The following RORA variants were observed in gnomAD, a reference collection of about 807,000 sequenced individuals.
RORA encodes nuclear receptor ROR-alpha.
In RORA, 7 loss-of-function variants were observed where a neutral mutation model predicts 69.5. The ratio of observed to expected loss-of-function variants is 0.10; its 90% CI spans 0.06 to 0.19. RORA has a LOEUF of 0.19. Among genes scored for constraint, RORA ranks in the 10% least tolerant of loss-of-function variants. The pLI, the probability that RORA is intolerant of heterozygous loss-of-function variation, is 1.00. For missense variants in RORA, 457 were observed against 663.0 expected (o/e 0.69, Z 3.41); for synonymous variants, 261 against 240.8 (o/e 1.08, Z -0.78).
intron 1 of RORA, among the ~76,000 whole-genome samples, chr15:61,094,658 GAT>G (rs1289650975): frequency 6.6e-6 from 1 of 152,234 alleles, no homozygotes; most frequent in East Asian, 1.9e-4. Flanking sequence ...TTCCAGCACA[GAT>G]AGGAAAGATC....
chr15:61,203,671 T>A (rs1360593053), intron 1 of RORA, among the ~76,000 whole-genome samples: 3 of 152,130 alleles, frequency 2.0e-5, no homozygotes, highest in Admixed American at 2.0e-4. Context: ...CATTCTAGAA[T>A]TAAAGGAAAA....
chr15:61,011,021 G>A (rs1040382978), intron 1 of RORA, among the ~76,000 whole-genome samples: 1 of 152,146 alleles, frequency 6.6e-6, no homozygotes, highest in African/African-American at 2.4e-5. Flanking sequence ...ATTACTTCAT[G>A]ATATAAAAAG....
intron 1 of RORA, among the ~76,000 whole-genome samples, chr15:61,114,426 T>C (rs1282844256): frequency 6.6e-6 from 1 of 152,220 alleles, no homozygotes. Flanking sequence ...CCTATGTTAA[T>C]ATGATCTTTA....
intron 1 of RORA, among the ~76,000 whole-genome samples, chr15:61,139,846 T>A (rs1361755943): frequency 6.6e-6 from 1 of 152,208 alleles, no homozygotes; most frequent in African/African-American, 2.4e-5. Flanking sequence ...CCTAAAAGCT[T>A]GTAGCTTCAT....
At chr15:60,977,930 C>T (rs1824349870) in intron 1 of RORA, among the ~76,000 whole-genome samples, 1 of 152,070 alleles carries the variant, frequency 6.6e-6, no homozygotes. Flanking sequence ...ATTCAATGTA[C>T]AAGTTTTCAT....
At chr15:61,146,476 AC>A (rs1471193065) in intron 1 of RORA, among the ~76,000 whole-genome samples, 166 of 151,788 alleles carry the variant, frequency 1.1e-3, no homozygotes, top group African/African-American at 3.9e-3. Context: ...ACACACACAC[AC>A]ACACACGCAC....
intron 1 of RORA, among the ~76,000 whole-genome samples, chr15:60,819,267 T>C (rs1056288812): frequency 6.6e-5 from 10 of 152,238 alleles, no homozygotes; most frequent in African/African-American, 2.4e-4. Flanking sequence ...GCTCTGATGC[T>C]GTTGAACTTT....
chr15:61,035,007 TTAAC>T (rs1278443206), intron 1 of RORA, among the ~76,000 whole-genome samples: 22 of 152,176 alleles, frequency 1.4e-4, no homozygotes, highest in Admixed American at 1.4e-3. Flanking sequence ...TGGAAAATAT[TTAAC>T]TATGCGCATA....
At chr15:60,525,757 CTAAGAAAAGTAGAGA>C (rs2066333089) in intron 3 of RORA, among the ~76,000 whole-genome samples, 1 of 152,022 alleles carries the variant, frequency 6.6e-6, no homozygotes, top group African/African-American at 2.4e-5. Context: ...ACGTCTGAGA[CTAAGAAAAGTAGAGA>C]TGAGAAAAGC....
At chr15:60,624,545 G>C (rs1469914966) in intron 2 of RORA, among the ~76,000 whole-genome samples, 1 of 128,026 alleles carries the variant, frequency 7.8e-6, no homozygotes, top group East Asian at 2.3e-4. Flanking sequence ...TATATTTGCT[G>C]TATATATATA....
intron 1 of RORA, among the ~76,000 whole-genome samples, chr15:60,814,334 G>A (rs2072781493): frequency 6.6e-6 from 1 of 152,178 alleles, no homozygotes; most frequent in Non-Finnish European, 1.5e-5. Flanking sequence ...ATATGCTAAG[G>A]ATGCTGATTT....
rs1233152231 is a variant in RORA, at chr15:60,490,393, T to A, written c.*7062A>T. 6.6e-6 allele frequency: 1 copy of A among 152,166 alleles called. No homozygotes were observed. Among genetic ancestry groups the A allele is most frequent in the Non-Finnish European group, 1.5e-5 (1 of 67,998 alleles). 9.4% of individuals were successfully genotyped at this position (152,166 alleles called of 1,614,324 possible). On this transcript the variant is annotated 3_prime_UTR_variant, in exon 11 of 11. Transcript: ENST00000335670. This position sits in a 1 kb window ranked among gnomAD's most constrained non-coding sequence, Gnocchi z 4.1. ...ATTATACAGCATATTGTGGATTTGA[T>A]AAACAGATAAATATTTGCACTGAGT...
chr15:61,097,307 T>C (rs1276218790), intron 1 of RORA, among the ~76,000 whole-genome samples: 1 of 152,228 alleles, frequency 6.6e-6, no homozygotes, highest in East Asian at 1.9e-4. Context: ...ATAGGCTTTC[T>C]GCATGCAAAA....
intron 1 of RORA, among the ~76,000 whole-genome samples, chr15:60,732,348 A>T (rs1264177457): frequency 6.6e-6 from 1 of 152,202 alleles, no homozygotes; most frequent in Non-Finnish European, 1.5e-5. Context: ...AGCACCTTCC[A>T]GATTCCTGAG....
chr15:61,069,853 G>C (rs1469825014), intron 1 of RORA, among the ~76,000 whole-genome samples: 1 of 152,188 alleles, frequency 6.6e-6, no homozygotes, highest in African/African-American at 2.4e-5. Context: ...CTGTCTGTTT[G>C]AGCACAACTG....
At chr15:60,940,835 G>T (rs56803737) in intron 1 of RORA, among the ~76,000 whole-genome samples, 4 of 152,158 alleles carry the variant, frequency 2.6e-5, no homozygotes, top group African/African-American at 9.7e-5. Flanking sequence ...GCTGAGGCAG[G>T]GGAATTGTTT....
chr15:60,582,949 A>G (rs1280325656), intron 2 of RORA, among the ~76,000 whole-genome samples: 1 of 152,152 alleles, frequency 6.6e-6, no homozygotes, highest in African/African-American at 2.4e-5. Context: ...GCATTTATCT[A>G]GTTCATTGAT....
rs570052629 is a variant in RORA, at chr15:60,950,045, C to T, written c.167-271359G>A. Among the ~76,000 whole-genome samples, 127 of 151,740 alleles carry T rather than the reference C, an allele frequency of 8.4e-4. 1 individual carries two copies. Among genetic ancestry groups the T allele is most frequent in the African/African-American group, 2.8e-3 (114 of 41,400 alleles). On this transcript the variant is annotated intron_variant, in intron 1 of 10. Coordinates refer to ENST00000335670, the MANE Select transcript of RORA (RefSeq NM_134261.3). ...GTTAAGGGCAGCCAGAGAGAAAGGTCGGGTTACCCTCAAAGGGAAGCCCAT... is the reference window on the plus strand; with the variant it reads ...GTTAAGGGCAGCCAGAGAGAAAGGTTGGGTTACCCTCAAAGGGAAGCCCAT...
intron 1 of RORA, among the ~76,000 whole-genome samples, chr15:60,907,823 G>T (rs1343472596): frequency 6.6e-6 from 1 of 152,186 alleles, no homozygotes; most frequent in African/African-American, 2.4e-5. Context: ...CTTGTCAAGA[G>T]GGCTATGCAA....
Sources: allele counts gnomAD v4.1 joint callset (sites outside exome capture counted in the v4.1 genomes callset), GRCh38; gene constraint gnomAD v4.1.1; non-coding constraint Gnocchi (gnomAD v3.1); transcripts MANE v1.5; gene names NCBI Gene and HGNC (gene_info 2026-07-23, HGNC 2026-07-21).